FRYL: variants seen among roughly 807,000 people sequenced by gnomAD.
FRYL encodes protein furry homolog-like.
Under a neutral mutation model 351.2 loss-of-function variants are expected in FRYL, and 150 were observed. The observed-to-expected ratio is 0.43, with a 90% CI of 0.37 to 0.49. FRYL has a LOEUF of 0.49. FRYL is among the 20% of genes least tolerant of loss of function. The probability of loss-of-function intolerance (pLI) is 0.00; values close to 1 mark genes in which losing one functional copy is unlikely to be tolerated. For missense variants in FRYL, 3,036 were observed against 3,619.3 expected (o/e 0.84, Z 4.13); for synonymous variants, 1,153 against 1,257.1 (o/e 0.92, Z 1.75).
chr4:48,619,289 A>C lies in FRYL; in HGVS notation c.396T>G (p.Val132=), dbSNP rs1435687638. The C allele has an allele frequency of 6.2e-7, 1 of 1,605,962 alleles. No individual in the cohort carries two copies. Among genetic ancestry groups the C allele is most frequent in the Non-Finnish European group, 8.5e-7 (1 of 1,174,276 alleles). Residue 132 remains valine (V), a synonymous_variant, in exon 7 of 64, where the codon GTT becomes GTG. Transcript: ENST00000358350. ...AAGAGCTTACCTGCTTTAGAACTTCAACTAAAACTAAACAAAAAATGAAGT... is the reference window on the plus strand; with the variant it reads ...AAGAGCTTACCTGCTTTAGAACTTCCACTAAAACTAAACAAAAAATGAAGT... ...AVDFIFCLVL[V]EVLKQIPVHP... is the part of the protein sequence containing the mutation.
Position 48,499,432 on chromosome 4 carries a change from G to A in FRYL, c.9032C>T (p.Thr3011Ile). The A allele has an allele frequency of 6.2e-7, 1 of 1,613,968 alleles. No individual in the cohort carries two copies. The highest frequency in any genetic ancestry group is 2.2e-5 in the East Asian group (1 of 44,880). The part of the protein sequence containing the change: ...QAKPMGNMVS[T>I]GF Reference sequence around the variant, plus strand: ...AAGGCCTGAAGTGTCTCAGAATCCAGTGCTCACCATATTTCCCATTGGTTT... The same window carrying A: ...AAGGCCTGAAGTGTCTCAGAATCCAATGCTCACCATATTTCCCATTGGTTT... The change falls in exon 64 of 64, where the codon ACT becomes ATT. Residue 3011 changes from threonine (T) to isoleucine (I), a missense_variant. Around this residue, in one of 7 missense-constraint regions of FRYL, gnomAD observed 1,987 missense variants for 2,311.7 expected, o/e 0.86. Coordinates refer to ENST00000358350, the MANE Select transcript of FRYL (RefSeq NM_015030.2).
At chr4:48,664,554 T>C (rs953115153) in intron 3 of FRYL, among the ~76,000 whole-genome samples, 3 of 152,220 alleles carry the variant, frequency 2.0e-5, no homozygotes, top group Non-Finnish European at 1.5e-5. Context: ...TCATGCTGAA[T>C]GTGGAATAGC....
At chr4:48,586,559 T>C in intron 19 of FRYL, 62 bp downstream of exon 19, 2 of 1,042,340 alleles carry the variant, frequency 1.9e-6, no homozygotes, top group Non-Finnish European at 3.0e-6. Context: ...AACAAAGGTA[T>C]ATTAGAAATA....
Position 48,642,248 on chromosome 4 carries a change from C to A in FRYL, c.-80-7758G>T, listed in dbSNP as rs145051341. On this transcript the variant is annotated intron_variant, in intron 3 of 63. Transcript: ENST00000358350. Reference sequence around the variant, plus strand: ...CTTCAGCTATTGTCACTCATACTTTCAAGCTTATGCATGCCTTCACAAACT... The same window carrying A: ...CTTCAGCTATTGTCACTCATACTTTAAAGCTTATGCATGCCTTCACAAACT... 1.9e-3 allele frequency among the ~76,000 whole-genome samples: 290 copies of A among 152,186 alleles called. 2 individuals are homozygous for A. Among genetic ancestry groups the A allele is most frequent in the African/African-American group, 6.5e-3 (272 of 41,534 alleles).
chr4:48,573,252 A>C lies in FRYL; in HGVS notation c.2847-9T>G. On this transcript the variant is annotated splice_polypyrimidine_tract_variant and intron_variant, in intron 25 of 63. Transcript: ENST00000358350. ...ATTCCTCTATTAGTTCCCTGGAAGA[A>C]AAATGGTACATATTCTATTAATAGC... The C allele has an allele frequency of 1.3e-6, 2 of 1,575,744 alleles. No individual in the cohort carries two copies. Among genetic ancestry groups the C allele is most frequent in the Non-Finnish European group, 1.7e-6 (2 of 1,145,340 alleles).
At chr4:48,501,481 A>G (rs778945596) in intron 62 of FRYL, 142 bp downstream of exon 62, 3 of 633,184 alleles carry the variant, frequency 4.7e-6, no homozygotes, top group Non-Finnish European at 8.4e-6. Flanking sequence ...GCACATCATT[A>G]AAAAACAAAT....
At chr4:48,645,269 G>A (rs549527456) in intron 3 of FRYL, among the ~76,000 whole-genome samples, 3 of 151,414 alleles carry the variant, frequency 2.0e-5, no homozygotes, top group African/African-American at 4.8e-5. Flanking sequence ...TAAGTACAGC[G>A]CTGTGGAGAA....
intron 36 of FRYL, among the ~76,000 whole-genome samples, chr4:48,552,671 C>A (rs989859502): frequency 6.6e-6 from 1 of 151,178 alleles, no homozygotes; most frequent in Non-Finnish European, 1.5e-5. Flanking sequence ...ACATTCTAGC[C>A]GATATGAAAA....
chr4:48,700,652 C>G (rs1029974718), intron 2 of FRYL, among the ~76,000 whole-genome samples: 2 of 149,584 alleles, frequency 1.3e-5, no homozygotes, highest in African/African-American at 4.9e-5. Context: ...AAATCAAAAT[C>G]CTAGCCAGGC....
intron 3 of FRYL, among the ~76,000 whole-genome samples, chr4:48,684,331 T>C (rs1764949590): frequency 6.6e-6 from 1 of 152,186 alleles, no homozygotes; most frequent in Admixed American, 6.5e-5. Context: ...TGCAGTTCAA[T>C]TTCCTATGCT....
intron 3 of FRYL, among the ~76,000 whole-genome samples, chr4:48,656,767 AT>A (rs890118145): frequency 6.6e-6 from 1 of 150,878 alleles, no homozygotes; most frequent in Non-Finnish European, 1.5e-5. Flanking sequence ...AGGCAAATTA[AT>A]AGTTTCTTTG....
At chr4:48,751,176 A>G (rs1274004734) in intron 1 of FRYL, among the ~76,000 whole-genome samples, 2 of 152,214 alleles carry the variant, frequency 1.3e-5, no homozygotes, top group East Asian at 3.8e-4. Flanking sequence ...GAAGATCAGT[A>G]ATAAAGTACA....
At chr4:48,657,013 A>G (rs1357970425) in intron 3 of FRYL, among the ~76,000 whole-genome samples, 1 of 152,220 alleles carries the variant, frequency 6.6e-6, no homozygotes, top group Non-Finnish European at 1.5e-5. Flanking sequence ...GCTTAGTGTA[A>G]TAAGTATTTT....
chr4:48,542,083 T>G lies in FRYL; in HGVS notation c.5631A>C (p.Ala1877=). ...VIELLLTLES[A]IDTLAETMKH... ...TCATGGTTTCAGCCAAAGTATCAAT[T>G]GCAGATTCCAATGTGAGAAGAAGCT... Residue 1877 remains alanine, a synonymous_variant, in exon 45 of 64, where the codon GCA becomes GCC. Transcript: ENST00000358350. The G allele has an allele frequency of 6.2e-7, 1 of 1,613,726 alleles. No homozygotes were observed. Among genetic ancestry groups the G allele is most frequent in the East Asian group, 2.2e-5 (1 of 44,884 alleles).
chr4:48,540,353 C>T lies in FRYL; in HGVS notation c.6295G>A (p.Gly2099Ser). 1 of 1,610,500 alleles carries T rather than the reference C, an allele frequency of 6.2e-7. No homozygotes were observed. Among genetic ancestry groups the T allele is most frequent in the Non-Finnish European group, 8.5e-7 (1 of 1,177,568 alleles). Residue 2099 changes from glycine (G) to serine (S), a missense_variant and splice_region_variant, in exon 46 of 64, where the codon GGC (glycine) becomes AGC (serine). Coordinates refer to ENST00000358350, the MANE Select transcript of FRYL (RefSeq NM_015030.2). ...GCTGGTGCAATTATATTAACATCAC[C>T]TGACAATTGGGAAGGATCCACCAAT... ...HTLVDPSQLSGFPLNILCLLP... is the reference protein window; with the variant it reads ...HTLVDPSQLSSFPLNILCLLP...
Position 48,561,461 on chromosome 4 carries a change from A to C in FRYL, c.3865+7T>G. The C allele has an allele frequency of 1.9e-6, 3 of 1,563,042 alleles. No individual in the cohort carries two copies. Among genetic ancestry groups the C allele is most frequent in the Non-Finnish European group, 2.6e-6 (3 of 1,151,074 alleles). ...ATAGAAACTACTAACCAGTTCATTG[A>C]TCATACCTGAGAATATGGCGAGAGT... On this transcript the variant is annotated splice_region_variant and intron_variant, in intron 33 of 63. Coordinates refer to ENST00000358350, the MANE Select transcript of FRYL (RefSeq NM_015030.2).
rs770517212 is a variant in FRYL at position 48,515,049 on chromosome 4, GCTT to G, written c.7913_7915del (p.Glu2638del). On this transcript the variant is annotated inframe_deletion, in exon 56 of 64. Transcript: ENST00000358350. ...TCACCTAGACAGTCCGGAGAAATCC[GCTT>G]CTTCTTCTTCACATCTTTCATCTAG... The G allele has an allele frequency of 7.4e-5, 119 of 1,613,248 alleles. No individual in the cohort carries two copies. Among genetic ancestry groups the G allele is most frequent in the Admixed American group, 2.7e-4 (16 of 59,958 alleles).
At chr4:48,762,753 A>T (rs1264034090) in intron 1 of FRYL, among the ~76,000 whole-genome samples, 2 of 152,246 alleles carry the variant, frequency 1.3e-5, no homozygotes, top group Non-Finnish European at 2.9e-5. Flanking sequence ...ACCATCACAT[A>T]CCATATAAAA....
At chr4:48,681,025 C>A in intron 3 of FRYL, 1 of 1,284,426 alleles carries the variant, frequency 7.8e-7, no homozygotes, top group South Asian at 1.2e-5. Flanking sequence ...TGAGCTAAGA[C>A]GTTTCATCTT....
Sources: allele counts gnomAD v4.1 joint callset (sites outside exome capture counted in the v4.1 genomes callset), GRCh38; gene constraint gnomAD v4.1.1; regional missense constraint gnomAD v4.1.1; transcripts MANE v1.5; gene names NCBI Gene and HGNC (gene_info 2026-07-23, HGNC 2026-07-21).